Variants in INPP4A observed in about 807,000 individuals in gnomAD.
The protein encoded by INPP4A is inositol polyphosphate-4-phosphatase, type I, 107kD.
INPP4A carries 33 observed loss-of-function variants against 119.8 expected under a neutral mutation model. That is an observed-to-expected ratio of 0.28 (90% CI 0.21 to 0.37). The LOEUF is 0.37. Among genes scored for constraint, INPP4A ranks in the 10% least tolerant of loss-of-function variants. The probability of loss-of-function intolerance (pLI) is 1.00; values close to 1 mark genes in which losing one functional copy is unlikely to be tolerated. For missense variants in INPP4A, 956 were observed against 1,289.9 expected, an observed-to-expected ratio of 0.74 and a Z score of 3.97; for synonymous variants, 496 against 500.7, an observed-to-expected ratio of 0.99 and a Z score of 0.12.
chr2:98,524,402 T>C (rs2105799103), intron 4 of INPP4A, among the ~76,000 whole-genome samples: 1 of 152,164 alleles, frequency 6.6e-6, no homozygotes, highest in East Asian at 1.9e-4. Context: ...TAATGGAAGC[T>C]ATGGAACTTG....
intron 24 of INPP4A, among the ~76,000 whole-genome samples, chr2:98,582,747 G>A (rs572820615): frequency 5.3e-5 from 8 of 150,814 alleles, no homozygotes; most frequent in Non-Finnish European, 8.8e-5. Context: ...TACTGCATAC[G>A]CCAGACACAG....
At chr2:98,448,494 A>G (rs1362271996) in intron 1 of INPP4A, among the ~76,000 whole-genome samples, 1 of 152,080 alleles carries the variant, frequency 6.6e-6, no homozygotes, top group Non-Finnish European at 1.5e-5. Context: ...TTTTGCATTA[A>G]GTTTTTCTGT....
intron 1 of INPP4A, among the ~76,000 whole-genome samples, chr2:98,473,624 A>C (rs1016248011): frequency 2.0e-5 from 3 of 151,974 alleles, no homozygotes; most frequent in African/African-American, 7.3e-5. Flanking sequence ...GCCTCTCAGG[A>C]GGTGCCACTC....
chr2:98,473,765 TTTTCCACTTC>T (rs1438661942), intron 1 of INPP4A, among the ~76,000 whole-genome samples: 2 of 152,130 alleles, frequency 1.3e-5, no homozygotes, highest in African/African-American at 4.8e-5. Context: ...AGTATCTTGA[TTTTCCACTTC>T]ACCAGGTGAT....
chr2:98,493,171 G>C (rs1014428179), intron 1 of INPP4A, among the ~76,000 whole-genome samples: 1 of 152,074 alleles, frequency 6.6e-6, no homozygotes, highest in Non-Finnish European at 1.5e-5. Context: ...GACTCCCTTT[G>C]CCCCTATGCT....
intron 1 of INPP4A, among the ~76,000 whole-genome samples, chr2:98,476,814 C>T (rs759077706): frequency 3.3e-5 from 5 of 152,194 alleles, no homozygotes; most frequent in South Asian, 2.1e-4. Context: ...GTGACGATAG[C>T]GGGTTAAGTT....
In INPP4A at chr2:98,566,188, G is replaced by T; in HGVS notation, c.2420+19G>T. 6.4e-7 allele frequency: 1 copy of T among 1,561,660 alleles called. No individual in the cohort carries two copies. ...CCGAGAGGTGCGTGCCGGCTCCTCG[G>T]GGCTGCGGGGGTGTGGTGGCCCTGG... On this transcript the variant is annotated intron_variant, in intron 21 of 24. Coordinates refer to ENST00000409851, the MANE Select transcript of INPP4A (RefSeq NM_001134225.2). The surrounding 1 kb of genome is among the most constrained non-coding windows in gnomAD (Gnocchi z 4.2).
Position 98,520,170 on chromosome 2 carries a change from CCTG to C in INPP4A, c.106+18_106+20del, listed in dbSNP as rs1250806877. 1.9e-6 allele frequency: 3 copies of C among 1,544,116 alleles called. No homozygotes were observed. The African/African-American group carries it at 4.1e-5, about 21-fold the overall frequency. The stretch of plus-strand genomic sequence containing the variant: ...TCTCTGGCAGGTGAGCCTCACAGGG[CCTG>C]CACCGGGCTCCAGGTATGAGCTCAC... On this transcript the variant is annotated intron_variant, in intron 3 of 24. Coordinates refer to ENST00000409851, the MANE Select transcript of INPP4A (RefSeq NM_001134225.2).
intron 1 of INPP4A, among the ~76,000 whole-genome samples, chr2:98,489,983 C>T (rs1680365357): frequency 6.6e-6 from 1 of 150,738 alleles, no homozygotes; most frequent in African/African-American, 2.4e-5. Flanking sequence ...TTTAGAAGGG[C>T]CTAGGGTGAT....
intron 1 of INPP4A, among the ~76,000 whole-genome samples, chr2:98,518,743 C>T (rs995493742): frequency 6.6e-6 from 1 of 152,194 alleles, no homozygotes; most frequent in Non-Finnish European, 1.5e-5. Flanking sequence ...CCCAGACTCC[C>T]CCAGCAGATC....
chr2:98,563,213 A>G (rs1372686113), intron 17 of INPP4A, among the ~76,000 whole-genome samples: 1 of 152,034 alleles, frequency 6.6e-6, no homozygotes, highest in Non-Finnish European at 1.5e-5. Context: ...AGGGTCCCCA[A>G]CAGGTTCAGG....
intron 24 of INPP4A, among the ~76,000 whole-genome samples, chr2:98,582,004 T>C (rs1266523066): frequency 3.3e-5 from 5 of 152,234 alleles, no homozygotes; most frequent in African/African-American, 4.8e-5. Context: ...TACGGTGCCC[T>C]GTCACTGCAT....
chr2:98,525,998 GAAC>G (rs1365549913), intron 4 of INPP4A, among the ~76,000 whole-genome samples: 3 of 152,088 alleles, frequency 2.0e-5, no homozygotes, highest in African/African-American at 4.8e-5. Context: ...AAAAAGACAT[GAAC>G]AACAACATTT....
intron 24 of INPP4A, among the ~76,000 whole-genome samples, chr2:98,583,576 A>G (rs1342717818): frequency 6.6e-6 from 1 of 152,194 alleles, no homozygotes; most frequent in Non-Finnish European, 1.5e-5. Flanking sequence ...TTTCCAGTTC[A>G]TATTATGTTG....
intron 1 of INPP4A, among the ~76,000 whole-genome samples, chr2:98,477,535 G>A (rs755155172): frequency 2.0e-5 from 3 of 152,236 alleles, no homozygotes; most frequent in Non-Finnish European, 4.4e-5. Context: ...GAGCCTCAAT[G>A]TCGGCGAGTC....
chr2:98,561,021 T>G (rs1356734215), intron 17 of INPP4A, among the ~76,000 whole-genome samples: 1 of 152,226 alleles, frequency 6.6e-6, no homozygotes, highest in East Asian at 1.9e-4. Flanking sequence ...CAAGGAGTTC[T>G]TTTGGCTTTT....
rs898848291 is a variant in INPP4A, at chr2:98,592,028, G to A, written c.*4420G>A. ...GGGGAGAAGAGCTGTTCTGTGTATA[G>A]GGGTATTGGGAACACATGGACAGAA... is the stretch of plus-strand genomic sequence containing the variant. On this transcript the variant is annotated 3_prime_UTR_variant, in exon 25 of 25. Coordinates refer to ENST00000409851, the MANE Select transcript of INPP4A (RefSeq NM_001134225.2). 1 of 152,220 alleles carries A rather than the reference G, an allele frequency of 6.6e-6. No individual in the cohort carries two copies. The highest frequency in any genetic ancestry group is 2.4e-5 in the African/African-American group (1 of 41,430). The allele number at this position is 152,220 out of a possible 1,614,324, so 9.4% of individuals were successfully genotyped here. A position where few individuals can be genotyped will look rare whatever the true frequency, so the allele number is the denominator to read the frequency against.
intron 13 of INPP4A, among the ~76,000 whole-genome samples, chr2:98,548,206 G>T (rs933695166): frequency 3.3e-5 from 5 of 152,194 alleles, no homozygotes; most frequent in African/African-American, 1.2e-4. Flanking sequence ...CCAGAGCCCG[G>T]TGAGTCCCGG....
chr2:98,497,123 G>A (rs901597264), intron 1 of INPP4A, among the ~76,000 whole-genome samples: 3 of 152,224 alleles, frequency 2.0e-5, no homozygotes, highest in Non-Finnish European at 4.4e-5. Flanking sequence ...AGGGGCCAAG[G>A]TAGAGCTCAG....
Sources: gnomAD v4.1 joint callset for allele counts (sites outside exome capture counted in the v4.1 genomes callset) on GRCh38, gnomAD v4.1.1 for gene constraint, Gnocchi (gnomAD v3.1) non-coding constraint, MANE v1.5 for transcripts, NCBI Gene and HGNC (gene_info 2026-07-23, HGNC 2026-07-21) for gene names.